Variants in ANKRD44 observed in about 807,000 individuals in gnomAD.
The protein encoded by ANKRD44 is ankyrin repeat domain 44.
A neutral mutation model predicts 116.0 loss-of-function variants in ANKRD44; 35 were observed. The observed-to-expected ratio is 0.30, with a 90% CI of 0.23 to 0.40. The LOEUF is 0.40. Ranked by LOEUF, ANKRD44 falls within the 10% of genes least tolerant of loss-of-function variation. ANKRD44 has a pLI of 1.00. For missense variants in ANKRD44, 1,014 were observed against 1,242.6 expected (o/e 0.82, Z 2.77); for synonymous variants, 435 against 461.8 (o/e 0.94, Z 0.74).
intron 2 of ANKRD44, among the ~76,000 whole-genome samples, chr2:197,155,423 C>T (rs566428720): frequency 6.6e-6 from 1 of 152,050 alleles, no homozygotes; most frequent in South Asian, 2.1e-4. Context: ...GCATGCTTGC[C>T]CTAAATACTC....
intron 1 of ANKRD44, among the ~76,000 whole-genome samples, chr2:197,274,395 G>A (rs2083013570): frequency 6.6e-6 from 1 of 152,198 alleles, no homozygotes; most frequent in Admixed American, 6.5e-5. Context: ...GCTGTGCAGA[G>A]TGTGGTCAGC....
chr2:197,174,208 T>C (rs2697244), intron 2 of ANKRD44, among the ~76,000 whole-genome samples: 130,277 of 152,162 alleles, frequency 0.86, 57,170 homozygotes, highest in East Asian at 0.96. Context: ...TAACATAAAA[T>C]TTACCATCTT....
intron 21 of ANKRD44, 82 bp downstream of exon 21, chr2:197,005,612 A>G: frequency 8.0e-7 from 1 of 1,248,688 alleles, no homozygotes; most frequent in Non-Finnish European, 1.2e-6. Context: ...GCAGAATTAC[A>G]TAAGGCTCTC....
chr2:197,006,935 T>C (rs2076212486), intron 20 of ANKRD44, among the ~76,000 whole-genome samples: 1 of 152,030 alleles, frequency 6.6e-6, no homozygotes, highest in Non-Finnish European at 1.5e-5. Context: ...CAAAACCCCA[T>C]CTCAACAGAA....
At chr2:197,239,214 A>C (rs2082039389) in intron 1 of ANKRD44, among the ~76,000 whole-genome samples, 1 of 152,158 alleles carries the variant, frequency 6.6e-6, no homozygotes, top group Non-Finnish European at 1.5e-5. Context: ...ACAGTCACAA[A>C]GGCATAACTG....
At chr2:197,082,373 CA>C (rs1451666745) in intron 14 of ANKRD44, among the ~76,000 whole-genome samples, 7 of 152,100 alleles carry the variant, frequency 4.6e-5, no homozygotes, top group African/African-American at 1.7e-4. Flanking sequence ...GAAGAGGAAA[CA>C]AGCAGTATTT....
chr2:197,009,984 C>T (rs1009766759), intron 18 of ANKRD44, among the ~76,000 whole-genome samples: 1 of 151,884 alleles, frequency 6.6e-6, no homozygotes, highest in Admixed American at 6.6e-5. Flanking sequence ...CTGCCTCCAA[C>T]CCCTTTAAAA....
At position 197,274,000 on chromosome 2, in the gene ANKRD44, T is replaced by TAGATATATAG. The variant is rs1559208570; in HGVS notation, c.27+36577_27+36578insCTATATATCT. ...AAAAAAATATATATATATATATATA[T>TAGATATATAG]ATATATATATATATATATATATATA... On this transcript the variant is annotated intron_variant, in intron 1 of 27. Coordinates refer to ENST00000282272, the MANE Select transcript of ANKRD44 (RefSeq NM_001195144.2). Among the ~76,000 whole-genome samples, 26 of 54,402 alleles carry TAGATATATAG rather than the reference T, an allele frequency of 4.8e-4. 4 individuals are homozygous for TAGATATATAG. Among genetic ancestry groups the TAGATATATAG allele is most frequent in the South Asian group, 1.6e-3 (2 of 1,230 alleles). The allele number at this position is 54,402 out of a possible 152,430, so 35.7% of individuals were successfully genotyped here.
chr2:197,099,075 C>A (rs1019978917), intron 10 of ANKRD44, among the ~76,000 whole-genome samples: 1 of 152,058 alleles, frequency 6.6e-6, no homozygotes, highest in African/African-American at 2.4e-5. Context: ...TAATTCTCAG[C>A]CCCTAAAGCC....
intron 9 of ANKRD44, among the ~76,000 whole-genome samples, chr2:197,106,556 G>A (rs1204652770): frequency 2.0e-5 from 3 of 152,130 alleles, no homozygotes; most frequent in Non-Finnish European, 4.4e-5. Context: ...TTGGGAGGCC[G>A]AGGCAGGCAG....
intron 16 of ANKRD44, among the ~76,000 whole-genome samples, chr2:197,074,518 C>T (rs144461118): frequency 6.6e-6 from 1 of 152,282 alleles, no homozygotes; most frequent in East Asian, 1.9e-4. Flanking sequence ...GTCACCCAGG[C>T]TGTACTGCAG....
chr2:197,095,775 G>A (rs954737532), intron 10 of ANKRD44, among the ~76,000 whole-genome samples: 1 of 152,170 alleles, frequency 6.6e-6, no homozygotes, highest in Non-Finnish European at 1.5e-5. Context: ...CTTACCTCAT[G>A]AGGTTATGGT....
intron 14 of ANKRD44, 29 bp from the exon 15 acceptor site, chr2:197,081,754 A>G: frequency 6.4e-7 from 1 of 1,566,152 alleles, no homozygotes; most frequent in Non-Finnish European, 8.7e-7. Flanking sequence ...AGAAAAAAAA[A>G]TTGCAATTAA....
intron 13 of ANKRD44, among the ~76,000 whole-genome samples, chr2:197,084,229 G>T (rs1418687588): frequency 6.6e-6 from 1 of 152,036 alleles, no homozygotes; most frequent in Non-Finnish European, 1.5e-5. Context: ...AACCAAACTG[G>T]ATGACTTGAG....
At position 196,987,587 on chromosome 2, in the gene ANKRD44, T is replaced by C; in HGVS notation, c.*2004A>G. On this transcript the variant is annotated 3_prime_UTR_variant, in exon 28 of 28. Coordinates refer to ENST00000282272, the MANE Select transcript of ANKRD44 (RefSeq NM_001195144.2). Reference sequence around the variant, plus strand: ...TAACAAAATGATAAACCAAGCAGTGTTTACTGCCTAAAGTACCAAAACATA... The same window carrying C: ...TAACAAAATGATAAACCAAGCAGTGCTTACTGCCTAAAGTACCAAAACATA... 1.0e-6 allele frequency: 1 copy of C among 985,350 alleles called. No homozygotes were observed. The highest frequency in any genetic ancestry group is 1.2e-6 in the Non-Finnish European group (1 of 829,844). The allele number at this position is 985,350 out of a possible 1,614,324, so 61.0% of individuals were successfully genotyped here.
chr2:197,308,048 C>T (rs1298639845), intron 1 of ANKRD44, among the ~76,000 whole-genome samples: 2 of 151,832 alleles, frequency 1.3e-5, no homozygotes, highest in Non-Finnish European at 2.9e-5. Context: ...CACACGCGCC[C>T]ATAGTCCCAG....
chr2:197,058,619 T>C (rs1433997720), intron 16 of ANKRD44, among the ~76,000 whole-genome samples: 1 of 152,212 alleles, frequency 6.6e-6, no homozygotes, highest in Non-Finnish European at 1.5e-5. Flanking sequence ...GAGCTTTGAC[T>C]ATTAGAGTCT....
chr2:197,014,531 T>C (rs62185246), intron 17 of ANKRD44, among the ~76,000 whole-genome samples: 16,178 of 152,106 alleles, frequency 0.11, 1,016 homozygotes, highest in East Asian at 0.16. Context: ...CTCACACCTA[T>C]AATCCCAGCA....
At chr2:197,088,683 A>C (rs1366389358) in intron 12 of ANKRD44, 28 bp downstream of exon 12, 1 of 1,519,638 alleles carries the variant, frequency 6.6e-7, no homozygotes, top group African/African-American at 1.4e-5. Flanking sequence ...AGTAACTCAT[A>C]AATTAACTAG....
Sources: allele counts gnomAD v4.1 joint callset (sites outside exome capture counted in the v4.1 genomes callset), GRCh38; gene constraint gnomAD v4.1.1; transcripts MANE v1.5; gene names NCBI Gene and HGNC (gene_info 2026-07-23, HGNC 2026-07-21).